EIF2S1: variants seen among roughly 807,000 people sequenced by gnomAD.
EIF2S1 encodes eukaryotic translation initiation factor 2 subunit alpha.
Under a neutral mutation model 33.5 loss-of-function variants are expected in EIF2S1, and 5 were observed. The ratio of observed to expected loss-of-function variants is 0.15; its 90% CI spans 0.08 to 0.31. The LOEUF is 0.31. Ranked by LOEUF, EIF2S1 falls within the 10% of genes least tolerant of loss-of-function variation. EIF2S1 has a pLI of 1.00. For missense variants in EIF2S1, 191 were observed against 384.6 expected (o/e 0.50, Z 4.21); for synonymous variants, 99 against 127.5 (o/e 0.78, Z 1.51).
Position 67,364,841 on chromosome 14 carries a change from G to A in EIF2S1, c.74G>A (p.Arg25Lys). Residue 25 changes from arginine (R) to lysine (K), a missense_variant, in exon 2 of 8, where the codon AGA becomes AAA. Physicochemically the swap from Arg to Lys is conservative, Grantham distance 26 (BLOSUM62 2). Coordinates refer to ENST00000256383, the MANE Select transcript of EIF2S1 (RefSeq NM_004094.5). ...GAAGATGTAGTGATGGTGAATGTCA[G>A]ATCCATTGCTGAAATGGGGGCTTAT... is the stretch of plus-strand genomic sequence containing the variant. The part of the protein sequence containing the change: ...EVEDVVMVNV[R>K]SIAEMGAYVS... 1 of 1,613,998 alleles carries A rather than the reference G, an allele frequency of 6.2e-7. No individual in the cohort carries two copies. Among genetic ancestry groups the A allele is most frequent in the Non-Finnish European group, 8.5e-7 (1 of 1,179,940 alleles).
intron 5 of EIF2S1, 34 bp downstream of exon 5, chr14:67,380,799 T>G (rs918635315): frequency 1.7e-6 from 2 of 1,196,768 alleles, no homozygotes; most frequent in Non-Finnish European, 2.3e-6. Context: ...TTACAGTATT[T>G]TGCATGCATC....
Position 67,384,294 on chromosome 14 carries a change from A to G in EIF2S1, c.*854A>G, listed in dbSNP as rs1327478570. ...AATTTTTTATTTTTATTGCTATTAA[A>G]ATATCCACTAGATGCCACCTAGAGC... On this transcript the variant is annotated 3_prime_UTR_variant, in exon 8 of 8. Coordinates refer to ENST00000256383, the MANE Select transcript of EIF2S1 (RefSeq NM_004094.5). 6.6e-6 allele frequency: 1 copy of G among 151,918 alleles called. No homozygotes were observed. The highest frequency in any genetic ancestry group is 1.5e-5 in the Non-Finnish European group (1 of 68,000). 9.4% of individuals were successfully genotyped at this position (151,918 alleles called of 1,614,324 possible).
Position 67,385,192 on chromosome 14 carries a change from T to G in EIF2S1, c.*1752T>G, listed in dbSNP as rs148189748. On this transcript the variant is annotated 3_prime_UTR_variant, in exon 8 of 8. Coordinates refer to ENST00000256383, the MANE Select transcript of EIF2S1 (RefSeq NM_004094.5). The stretch of plus-strand genomic sequence containing the variant: ...AAAACTTAAAAGTATTCATACACCT[T>G]GCTAACCTAAAAGACAGCAGGGACA... 1 of 152,296 alleles carries G rather than the reference T, an allele frequency of 6.6e-6. No homozygotes were observed. The highest frequency in any genetic ancestry group is 2.4e-5 in the African/African-American group (1 of 41,560). The allele number at this position is 152,296 out of a possible 1,614,324, so 9.4% of individuals were successfully genotyped here.
rs1188518175 is a variant in EIF2S1 at position 67,380,762 on chromosome 14, G to T, written c.577G>T (p.Ala193Ser). 6.7e-7 allele frequency: 1 copy of T among 1,497,808 alleles called. No individual in the cohort carries two copies. Among genetic ancestry groups the T allele is most frequent in the Non-Finnish European group, 8.9e-7 (1 of 1,119,446 alleles). 92.8% of individuals were successfully genotyped at this position (1,497,808 alleles called of 1,614,324 possible). A position where few individuals can be genotyped will look rare whatever the true frequency, so the allele number is the denominator to read the frequency against. Residue 193 changes from alanine to serine, a missense_variant, in exon 5 of 8, where the codon GCA becomes TCA. Coordinates refer to ENST00000256383, the MANE Select transcript of EIF2S1 (RefSeq NM_004094.5). ...GACCCCACAGGCTGTCAAAATTCGA[G>T]CAGGTAAATGATTTTTTAAATGATT... is the stretch of plus-strand genomic sequence containing the variant. The part of the protein sequence containing the change: ...RLTPQAVKIR[A>S]DIEVACYGYE...
chr14:67,382,612 T>C, intron 7 of EIF2S1, 22 bp downstream of exon 7: 1 of 1,613,420 alleles, frequency 6.2e-7, no homozygotes, highest in Non-Finnish European at 8.5e-7. Flanking sequence ...AGATTCATTT[T>C]TAATAATGAC....
chr14:67,380,562 T>A, intron 4 of EIF2S1, 97 bp from the exon 5 acceptor site: 1 of 541,800 alleles, frequency 1.8e-6, no homozygotes, highest in Non-Finnish European at 3.1e-6. Flanking sequence ...AACTATTATA[T>A]GCTTAACTAT....
At chr14:67,381,386 G>A (rs893441223) in intron 5 of EIF2S1, among the ~76,000 whole-genome samples, 3 of 152,036 alleles carry the variant, frequency 2.0e-5, no homozygotes, top group Non-Finnish European at 2.9e-5. Flanking sequence ...TTTCTAAACC[G>A]TTTTAGATAA....
At chr14:67,379,210 T>C (rs2085873060) in intron 4 of EIF2S1, among the ~76,000 whole-genome samples, 1 of 152,232 alleles carries the variant, frequency 6.6e-6, no homozygotes, top group Non-Finnish European at 1.5e-5. Flanking sequence ...TGAGAGTTTC[T>C]AATATATATG....
chr14:67,382,521 C>A lies in EIF2S1; in HGVS notation c.753C>A (p.Leu251=). The change falls in exon 7 of 8, where the codon CTC becomes CTA. Residue 251 remains leucine, a synonymous_variant. Transcript: ENST00000256383. ...TLERTEGLSV[L]SQAMAVIKEK... ...AGAGAACAGAAGGCCTTTCTGTCCT[C>A]AGTCAAGCTATGGCTGTTATCAAAG... The A allele has an allele frequency of 6.2e-7, 1 of 1,613,840 alleles. No individual in the cohort carries two copies. Among genetic ancestry groups the A allele is most frequent in the Non-Finnish European group, 8.5e-7 (1 of 1,179,846 alleles).
intron 7 of EIF2S1, 44 bp from the exon 8 acceptor site, chr14:67,383,266 TGTATA>T (rs769493151): frequency 1.3e-6 from 2 of 1,582,364 alleles, no homozygotes; most frequent in South Asian, 2.3e-5. Flanking sequence ...AAATTAAATT[TGTATA>T]GTATTTACTA....
In EIF2S1 at chr14:67,376,973, G is replaced by A. The variant is rs1337762845; in HGVS notation, c.473+383G>A. ...CCTTAGCCTGGGCCTTACTATCACC[G>A]GGATTTGCTCTGCCACTAAAATCTT... On this transcript the variant is annotated intron_variant, in intron 4 of 7. Transcript: ENST00000256383. Among the ~76,000 whole-genome samples the A allele has an allele frequency of 2.0e-5, 3 of 152,044 alleles. 1 individual carries two copies. The highest frequency in any genetic ancestry group is 4.2e-4 in the South Asian group (2 of 4,818).
intron 1 of EIF2S1, among the ~76,000 whole-genome samples, chr14:67,361,217 T>G (rs2085736537): frequency 6.6e-6 from 1 of 152,204 alleles, no homozygotes; most frequent in African/African-American, 2.4e-5. Flanking sequence ...TAAATTTTTA[T>G]TAAGCAAAAA....
At position 67,385,439 on chromosome 14, in the gene EIF2S1, CA is replaced by C. The variant is rs60823341; in HGVS notation, c.*2016del. On this transcript the variant is annotated 3_prime_UTR_variant, in exon 8 of 8. Transcript: ENST00000256383. ...TGGGTGACAGGGCAAGACCCTGTCT[CA>C]AAAAAAAAAAAAAAAACCAAAAATC... 1.3e-3 allele frequency: 133 copies of C among 98,646 alleles called. No individual in the cohort carries two copies. The highest frequency in any genetic ancestry group is 1.9e-3 in the Non-Finnish European group (70 of 37,494). The allele number at this position is 98,646 out of a possible 1,614,324, so 6.1% of individuals were successfully genotyped here.
At chr14:67,369,592 ATAAAT>A (rs1464665280) in intron 2 of EIF2S1, among the ~76,000 whole-genome samples, 1 of 152,216 alleles carries the variant, frequency 6.6e-6, no homozygotes, top group Non-Finnish European at 1.5e-5. Flanking sequence ...ACAACTCTAA[ATAAAT>A]TTCTAAGGGT....
chr14:67,376,400 C>G, intron 3 of EIF2S1, 39 bp from the exon 4 acceptor site: 1 of 1,537,650 alleles, frequency 6.5e-7, no homozygotes, highest in Non-Finnish European at 8.8e-7. Flanking sequence ...TTATAAATCT[C>G]TTATCTTTGA....
intron 2 of EIF2S1, among the ~76,000 whole-genome samples, chr14:67,367,715 A>G (rs2085789072): frequency 6.7e-6 from 1 of 150,028 alleles, no homozygotes; most frequent in Non-Finnish European, 1.5e-5. Flanking sequence ...TGCACCCTGT[A>G]GTCCCAGCTT....
chr14:67,382,468 C>T lies in EIF2S1; in HGVS notation c.700C>T (p.Arg234Trp), dbSNP rs751967754. The T allele has an allele frequency of 9.3e-6, 15 of 1,613,226 alleles. No homozygotes were observed. The highest frequency in any genetic ancestry group is 6.7e-5 in the Admixed American group (4 of 59,942). ...TTAGATTAATCTAATAGCTCCTCCTCGGTATGTAATGACTACGACAACCCT... is the reference window on the plus strand; with the variant it reads ...TTAGATTAATCTAATAGCTCCTCCTTGGTATGTAATGACTACGACAACCCT... ...PIKINLIAPP[R>W]YVMTTTTLER... The change falls in exon 7 of 8, where the codon CGG (arginine) becomes TGG (tryptophan). Residue 234 changes from arginine to tryptophan, a missense_variant. Arg to Trp is a moderately radical substitution (Grantham distance 101). Transcript: ENST00000256383.
At chr14:67,372,726 G>A (rs553230020) in intron 2 of EIF2S1, among the ~76,000 whole-genome samples, 36 of 152,092 alleles carry the variant, frequency 2.4e-4, no homozygotes, top group Admixed American at 2.0e-3. Context: ...TACTCAAGAG[G>A]CTGAGGCAGG....
In EIF2S1 at chr14:67,368,706, A is replaced by G. The variant is rs147344238; in HGVS notation, c.241+3698A>G. On this transcript the variant is annotated intron_variant, in intron 2 of 7. Transcript: ENST00000256383. Reference sequence around the variant, plus strand: ...CAGTAGTAAAATTAAAAGGTTAAGGATGTATATTGTAAATTCTAGAACAAC... The same window carrying G: ...CAGTAGTAAAATTAAAAGGTTAAGGGTGTATATTGTAAATTCTAGAACAAC... Among the ~76,000 whole-genome samples, 5 of 147,230 alleles carry G rather than the reference A, an allele frequency of 3.4e-5. No individual in the cohort carries two copies. The East Asian group carries it at 1.0e-3, about 29-fold the overall frequency.
Sources: allele counts gnomAD v4.1 joint callset (sites outside exome capture counted in the v4.1 genomes callset), GRCh38; gene constraint gnomAD v4.1.1; transcripts MANE v1.5; gene names NCBI Gene and HGNC (gene_info 2026-07-23, HGNC 2026-07-21).